DRC8: variants seen among roughly 807,000 people sequenced by gnomAD.
DRC8 encodes dynein regulatory complex protein 8.
chr1:244,970,294 T>A, the DRC8 span: 2 of 863,790 alleles, frequency 2.3e-6, no homozygotes, highest in Non-Finnish European at 3.7e-6. Flanking sequence ...CCAAGGGTCT[T>A]CCTCCCCCGG....
the DRC8 span, among the ~76,000 whole-genome samples, chr1:245,001,762 A>T: frequency 6.6e-6 from 1 of 152,212 alleles, no homozygotes; most frequent in Non-Finnish European, 1.5e-5. Context: ...ACATCTTTAG[A>T]CTGCTGTCTT....
At chr1:245,097,196 TTTAA>T in the DRC8 span, among the ~76,000 whole-genome samples, 2 of 152,302 alleles carry the variant, frequency 1.3e-5, no homozygotes, top group East Asian at 3.9e-4. The surrounding 1 kb of genome is among the most constrained non-coding windows in gnomAD (Gnocchi z 5.0). Flanking sequence ...CAATAAAATA[TTTAA>T]TTAGTGATAT....
chr1:245,024,119 G>A, the DRC8 span, among the ~76,000 whole-genome samples: 7 of 152,110 alleles, frequency 4.6e-5, no homozygotes, highest in Non-Finnish European at 5.9e-5. Context: ...GCAGTGAGCC[G>A]AGATTGTGCC....
chr1:245,091,588 T>C, the DRC8 span: 44 of 152,384 alleles, frequency 2.9e-4, no homozygotes, highest in African/African-American at 1.0e-3. Context: ...AAGTTCGGAC[T>C]GATGTTCAAC....
the DRC8 span, among the ~76,000 whole-genome samples, chr1:244,983,774 C>T: frequency 2.7e-4 from 40 of 149,440 alleles, no homozygotes; most frequent in Middle Eastern, 3.3e-3. Flanking sequence ...CCGGAAATAC[C>T]GCAATTACTT....
the DRC8 span, among the ~76,000 whole-genome samples, chr1:245,049,207 A>C: frequency 6.6e-6 from 1 of 151,832 alleles, no homozygotes; most frequent in Non-Finnish European, 1.5e-5. The surrounding 1 kb of genome is among the most constrained non-coding windows in gnomAD (Gnocchi z 4.5). Flanking sequence ...CTGGTCTCCA[A>C]CTCCTGGCCT....
the DRC8 span, among the ~76,000 whole-genome samples, chr1:245,057,040 G>A: frequency 2.6e-5 from 4 of 152,252 alleles, no homozygotes; most frequent in South Asian, 8.3e-4. Flanking sequence ...AAAAAGGGAA[G>A]TGATGTACGG....
chr1:244,996,946 G>T, the DRC8 span, among the ~76,000 whole-genome samples: 2 of 152,120 alleles, frequency 1.3e-5, no homozygotes, highest in Non-Finnish European at 2.9e-5. Context: ...ACATAAAATG[G>T]CAGAATATTT....
At chr1:244,989,396 C>G in the DRC8 span, among the ~76,000 whole-genome samples, 2 of 152,104 alleles carry the variant, frequency 1.3e-5, no homozygotes, top group African/African-American at 2.4e-5. Context: ...TCAGGTTTTC[C>G]TTGTCTTTAA....
the DRC8 span, among the ~76,000 whole-genome samples, chr1:244,974,845 G>A: frequency 6.6e-6 from 1 of 152,104 alleles, no homozygotes; most frequent in Non-Finnish European, 1.5e-5. Flanking sequence ...ACAGGCGCAA[G>A]CCACCATGCC....
At chr1:244,975,117 T>A in the DRC8 span, among the ~76,000 whole-genome samples, 52 of 151,892 alleles carry the variant, frequency 3.4e-4, no homozygotes, top group African/African-American at 7.7e-4. Context: ...TTTTTAGTAG[T>A]GATGGGGTTT....
the DRC8 span, among the ~76,000 whole-genome samples, chr1:245,080,251 C>G: frequency 6.6e-6 from 1 of 152,074 alleles, no homozygotes; most frequent in African/African-American, 2.4e-5. Context: ...ATGTACAGCT[C>G]CTTATAGATA....
At chr1:245,093,267 G>A in the DRC8 span, among the ~76,000 whole-genome samples, 2 of 152,080 alleles carry the variant, frequency 1.3e-5, no homozygotes, top group Admixed American at 1.3e-4. Flanking sequence ...GAAAACAGGA[G>A]GCCTTAAGAG....
the DRC8 span, among the ~76,000 whole-genome samples, chr1:245,053,792 A>G: frequency 6.6e-6 from 1 of 152,158 alleles, no homozygotes; most frequent in African/African-American, 2.4e-5. Flanking sequence ...CTCAGCAGAG[A>G]AGAGGATGGT....
At chr1:245,033,796 A>G in the DRC8 span, among the ~76,000 whole-genome samples, 2 of 151,492 alleles carry the variant, frequency 1.3e-5, no homozygotes, top group East Asian at 3.9e-4. Context: ...ATCTCGGCTC[A>G]CTGTAGCCTC....
chr1:245,068,353 A>G, the DRC8 span, among the ~76,000 whole-genome samples: 2 of 152,180 alleles, frequency 1.3e-5, no homozygotes, highest in Non-Finnish European at 1.5e-5. Context: ...CATCACCTTA[A>G]TATAATCATT....
the DRC8 span, among the ~76,000 whole-genome samples, chr1:245,088,299 T>C: frequency 7.4e-6 from 1 of 134,706 alleles, no homozygotes; most frequent in East Asian, 2.3e-4. The surrounding 1 kb of genome is among the most constrained non-coding windows in gnomAD (Gnocchi z 4.6). Flanking sequence ...CAAACTTAGA[T>C]ATTCTGTTAT....
At chr1:244,985,076 GTTTT>G in the DRC8 span, among the ~76,000 whole-genome samples, 1 of 130,798 alleles carries the variant, frequency 7.6e-6, no homozygotes. Flanking sequence ...TGTCTCCAGG[GTTTT>G]TTTTTTTTTT....
At chr1:245,059,335 G>T in the DRC8 span, 45 of 1,338,228 alleles carry the variant, frequency 3.4e-5, no homozygotes, top group Admixed American at 1.4e-4. Context: ...GAGAAACCTG[G>T]CCTTTTCGGA....
Sources: allele counts gnomAD v4.1 joint callset (sites outside exome capture counted in the v4.1 genomes callset), GRCh38; gene constraint gnomAD v4.1.1; non-coding constraint Gnocchi (gnomAD v3.1); transcripts MANE v1.5; gene names NCBI Gene and HGNC (gene_info 2026-07-23, HGNC 2026-07-21).